TDRP: variants seen among roughly 807,000 people sequenced by gnomAD.
The protein encoded by TDRP is testis development-related protein.
A neutral mutation model predicts 10.5 loss-of-function variants in TDRP; 12 were observed. That is an observed-to-expected ratio of 1.15 (90% CI 0.73 to 1.86). The LOEUF (loss-of-function observed/expected upper bound fraction) is 1.86, where lower values mean the gene tolerates loss of function less well. TDRP is among the 40% of genes most tolerant of loss of function. The probability of loss-of-function intolerance (pLI) is 0.00; values close to 1 mark genes in which losing one functional copy is unlikely to be tolerated. For missense variants in TDRP, 353 were observed against 229.2 expected (o/e 1.54, Z -3.49); for synonymous variants, 139 against 95.4 (o/e 1.46, Z -2.67).
intron 1 of TDRP, among the ~76,000 whole-genome samples, chr8:516,857 C>A (rs1408660970): frequency 6.6e-6 from 1 of 152,168 alleles, no homozygotes; most frequent in Non-Finnish European, 1.5e-5. Flanking sequence ...TTGGAAGCAA[C>A]CAAGATGCCC....
At chr8:518,186 G>C (rs574599300) in intron 1 of TDRP, among the ~76,000 whole-genome samples, 13 of 152,306 alleles carry the variant, frequency 8.5e-5, no homozygotes, top group African/African-American at 2.9e-4. Context: ...GAGGGATGTT[G>C]GTAGCAGGGA....
At chr8:521,403 A>AGG (rs1248946486) in intron 1 of TDRP, among the ~76,000 whole-genome samples, 1 of 151,656 alleles carries the variant, frequency 6.6e-6, no homozygotes. Flanking sequence ...GGCAAGAGAG[A>AGG]GAGATGCCGT....
intron 1 of TDRP, among the ~76,000 whole-genome samples, chr8:515,335 T>C (rs575115682): frequency 7.2e-5 from 11 of 152,362 alleles, no homozygotes; most frequent in Non-Finnish European, 8.8e-5. Flanking sequence ...ATATACATTA[T>C]GCATGTAAAG....
At chr8:514,891 G>A (rs558247494) in intron 1 of TDRP, among the ~76,000 whole-genome samples, 52 of 152,234 alleles carry the variant, frequency 3.4e-4, no homozygotes, top group African/African-American at 1.2e-3. Context: ...CACGGGGAGG[G>A]CTACTTTAAA....
At chr8:516,585 C>T (rs952157589) in intron 1 of TDRP, among the ~76,000 whole-genome samples, 4 of 152,126 alleles carry the variant, frequency 2.6e-5, no homozygotes, top group Admixed American at 2.6e-4. Context: ...TCAGAACTGA[C>T]AAAACCCAGA....
intron 1 of TDRP, among the ~76,000 whole-genome samples, chr8:511,040 T>C (rs1034471872): frequency 5.9e-5 from 9 of 152,082 alleles, no homozygotes; most frequent in African/African-American, 9.7e-5. Flanking sequence ...TTTAAAAATA[T>C]ACACAATGCA....
intron 1 of TDRP, among the ~76,000 whole-genome samples, chr8:508,138 G>C (rs192726874): frequency 1.3e-5 from 2 of 152,142 alleles, no homozygotes; most frequent in Non-Finnish European, 2.9e-5. Flanking sequence ...CGGCAATGTT[G>C]CATCAAAGAG....
chr8:515,384 G>C (rs1351490232), intron 1 of TDRP, among the ~76,000 whole-genome samples: 2 of 152,182 alleles, frequency 1.3e-5, no homozygotes, highest in Non-Finnish European at 2.9e-5. Context: ...CAGTTTGAGT[G>C]CCCCTTATCT....
At chr8:498,360 G>A (rs1801190859) in intron 1 of TDRP, among the ~76,000 whole-genome samples, 2 of 152,196 alleles carry the variant, frequency 1.3e-5, no homozygotes, top group African/African-American at 2.4e-5. Flanking sequence ...GCATGTAAAG[G>A]GATTATTTTG....
upstream of TDRP, chr8:545,612 A>G (rs970858778): frequency 3.3e-5 from 5 of 151,880 alleles, no homozygotes; most frequent in East Asian, 2.0e-4. Context: ...CGGCGCCTGT[A>G]CCCCAGCGCT....
chr8:518,034 G>C (rs1801803341), intron 1 of TDRP, among the ~76,000 whole-genome samples: 1 of 152,178 alleles, frequency 6.6e-6, no homozygotes, highest in Admixed American at 6.5e-5. Context: ...ATGCTACACT[G>C]GTGGACACGT....
chr8:520,602 C>T (rs1801877075), intron 1 of TDRP, among the ~76,000 whole-genome samples: 1 of 152,230 alleles, frequency 6.6e-6, no homozygotes, highest in African/African-American at 2.4e-5. Flanking sequence ...TCCTTGGTTA[C>T]ACTGGTTATT....
chr8:540,324 A>G (rs1802458691), intron 1 of TDRP, among the ~76,000 whole-genome samples: 1 of 152,240 alleles, frequency 6.6e-6, no homozygotes, highest in Admixed American at 6.5e-5. Flanking sequence ...TGAGACACAT[A>G]TTATGAAGGG....
chr8:514,548 A>G lies in TDRP; in HGVS notation c.109-19951T>C, dbSNP rs183186310. Among the ~76,000 whole-genome samples the G allele has an allele frequency of 9.3e-4, 141 of 152,272 alleles. 1 individual carries two copies. The highest frequency in any genetic ancestry group is 3.2e-3 in the African/African-American group (131 of 41,562). The stretch of plus-strand genomic sequence containing the variant: ...TGCAGGGACCAGGACACCACTGCCA[A>G]GTCTGTTGACCTCAGAAACACATGA... On this transcript the variant is annotated intron_variant, in intron 1 of 2. Transcript: ENST00000324079.
intron 1 of TDRP, among the ~76,000 whole-genome samples, chr8:509,092 T>A (rs1031037659): frequency 6.6e-6 from 1 of 152,214 alleles, no homozygotes; most frequent in African/African-American, 2.4e-5. Flanking sequence ...TCCTACCACC[T>A]TGGGCAGCTC....
At chr8:503,001 C>T (rs1801347512) in intron 1 of TDRP, among the ~76,000 whole-genome samples, 1 of 151,692 alleles carries the variant, frequency 6.6e-6, no homozygotes, top group African/African-American at 2.4e-5. Flanking sequence ...TACAGAGCCG[C>T]ACATCAGAAC....
At chr8:511,355 A>T (rs1014639194) in intron 1 of TDRP, among the ~76,000 whole-genome samples, 2 of 152,146 alleles carry the variant, frequency 1.3e-5, no homozygotes, top group African/African-American at 2.4e-5. Context: ...AGTTTAAAAA[A>T]TTTTTTTTAA....
chr8:544,415 G>T (rs1303037867), intron 1 of TDRP, among the ~76,000 whole-genome samples: 2 of 152,080 alleles, frequency 1.3e-5, no homozygotes, highest in African/African-American at 4.8e-5. Flanking sequence ...AGCGGGGAGT[G>T]GGTCCACGCG....
rs1563136133 is a variant in TDRP, at chr8:544,712, CG to C, written c.45del (p.Glu16ArgfsTer33). 2.4e-6 allele frequency: 3 copies of C among 1,245,446 alleles called. No individual in the cohort carries two copies. The highest frequency in any genetic ancestry group is 2.0e-6 in the Non-Finnish European group (2 of 995,048). The allele number at this position is 1,245,446 out of a possible 1,614,324, so 77.1% of individuals were successfully genotyped here. On this transcript the variant is annotated frameshift_variant, in exon 1 of 3. Transcript: ENST00000324079. LOFTEE classifies it high-confidence loss of function. Reference protein sequence around the residue: ...GRGRVLLDEPPEEEDGLRGGP... With the variant: ...GRGRVLLDEPXEEEDGLRGGP... Reference sequence around the variant, plus strand: ...CCCCCACGCAGGCCGTCCTCCTCCTCGGGGGGCTCGTCCAGCAGCACTCGGC... The same window carrying C: ...CCCCCACGCAGGCCGTCCTCCTCCTCGGGGGCTCGTCCAGCAGCACTCGGC...
Sources: allele counts gnomAD v4.1 joint callset (sites outside exome capture counted in the v4.1 genomes callset), GRCh38; gene constraint gnomAD v4.1.1; transcripts MANE v1.5; gene names NCBI Gene and HGNC (gene_info 2026-07-23, HGNC 2026-07-21).